The following DTNA variants were observed in gnomAD, a reference collection of about 807,000 sequenced individuals.
DTNA encodes dystrophin-related protein 3.
In DTNA, 43 loss-of-function variants were observed where a neutral mutation model predicts 100.7. That is an observed-to-expected ratio of 0.43 (90% CI 0.33 to 0.55). The LOEUF (loss-of-function observed/expected upper bound fraction) is 0.55, where lower values mean the gene tolerates loss of function less well. Ranked by LOEUF, DTNA falls within the 20% of genes least tolerant of loss-of-function variation. DTNA has a pLI of 0.04. For synonymous variants in DTNA, 349 were observed against 347.9 expected, an observed-to-expected ratio of 1.00 and a Z score of -0.04; for missense variants, 798 against 953.9, an observed-to-expected ratio of 0.84 and a Z score of 2.15.
At chr18:34,591,918 C>T (rs2049772930) in intron 1 of DTNA, among the ~76,000 whole-genome samples, 1 of 152,194 alleles carries the variant, frequency 6.6e-6, no homozygotes, top group Non-Finnish European at 1.5e-5. Flanking sequence ...AGTTTTCCCT[C>T]ATGGTTTCTT....
chr18:34,767,347 A>G (rs2093537873), intron 3 of DTNA, among the ~76,000 whole-genome samples: 1 of 152,140 alleles, frequency 6.6e-6, no homozygotes, highest in African/African-American at 2.4e-5. Context: ...GTGAGGATGC[A>G]AAGTACGCAT....
At chr18:34,534,132 G>T (rs2043439918) in intron 1 of DTNA, among the ~76,000 whole-genome samples, 1 of 151,824 alleles carries the variant, frequency 6.6e-6, no homozygotes, top group Non-Finnish European at 1.5e-5. Flanking sequence ...AGATAACTGA[G>T]GTCAGGAGTT....
At position 34,844,298 on chromosome 18, in the gene DTNA, CTT is replaced by C. The variant is rs777946588; in HGVS notation, c.1347-3992_1347-3991del. On this transcript the variant is annotated intron_variant, in intron 13 of 22. Transcript: ENST00000444659. ...AGATTGCCATTTCATGATTTCCTGTCTTTTTTTGTTGTTATTCCAAACCACTC... is the reference window on the plus strand; with the variant it reads ...AGATTGCCATTTCATGATTTCCTGTCTTTTTGTTGTTATTCCAAACCACTC... Among the ~76,000 whole-genome samples, 22 of 152,116 alleles carry C rather than the reference CTT, an allele frequency of 1.4e-4. No homozygotes were observed. In the East Asian group the frequency reaches 1.9e-3, roughly 13 times the overall value.
rs199596768 is a variant in DTNA, at chr18:34,875,381, A to G, written c.1886A>G (p.Gln629Arg). 8 of 1,614,190 alleles carry G rather than the reference A, an allele frequency of 5.0e-6. No individual in the cohort carries two copies. In the African/African-American group the frequency reaches 6.7e-5, roughly 13 times the overall value. ...CTCACAGGAGTAGGGGGAGATGTACAAGAGGCATTTGCACAAAGTAAGTGG... is the reference window on the plus strand; with the variant it reads ...CTCACAGGAGTAGGGGGAGATGTACGAGAGGCATTTGCACAAAGTAAGTGG... ...DSLTGVGGDV[Q>R]EAFAQSSRRN... The change falls in exon 18 of 23, where the codon CAA becomes CGA. Residue 629 changes from glutamine (Q) to arginine (R), a missense_variant. Coordinates refer to ENST00000444659, the MANE Select transcript of DTNA (RefSeq NM_001386795.1).
chr18:34,843,552 C>A (rs1264124408), intron 13 of DTNA, among the ~76,000 whole-genome samples: 2 of 152,132 alleles, frequency 1.3e-5, no homozygotes, highest in African/African-American at 4.8e-5. Flanking sequence ...GGACACCTTC[C>A]TGCTGTGTCC....
At chr18:34,881,113 T>C (rs2096867448) in intron 20 of DTNA, among the ~76,000 whole-genome samples, 1 of 152,214 alleles carries the variant, frequency 6.6e-6, no homozygotes, top group South Asian at 2.1e-4. Flanking sequence ...CCATTTAGCC[T>C]GGCCCCAAAC....
At chr18:34,670,109 G>C (rs994289807) in intron 1 of DTNA, among the ~76,000 whole-genome samples, 2 of 152,032 alleles carry the variant, frequency 1.3e-5, no homozygotes, top group African/African-American at 2.4e-5. Flanking sequence ...CATATTTCTT[G>C]GAGGCTTTGT....
intron 3 of DTNA, among the ~76,000 whole-genome samples, chr18:34,779,741 C>T (rs2094231484): frequency 6.6e-6 from 1 of 152,144 alleles, no homozygotes; most frequent in Non-Finnish European, 1.5e-5. Flanking sequence ...AATGTTGGTT[C>T]TTGGCACTAT....
chr18:34,817,310 T>C (rs1208479499), intron 7 of DTNA, among the ~76,000 whole-genome samples: 1 of 152,232 alleles, frequency 6.6e-6, no homozygotes, highest in Non-Finnish European at 1.5e-5. Context: ...TTTTCCTGAC[T>C]GGTTAGGCCG....
chr18:34,818,934 C>T (rs1267053833), intron 8 of DTNA, among the ~76,000 whole-genome samples: 2 of 152,154 alleles, frequency 1.3e-5, no homozygotes, highest in Non-Finnish European at 2.9e-5. Context: ...GATGTATTCT[C>T]AGGAGCATGT....
chr18:34,796,712 G>A (rs898868452), intron 4 of DTNA, among the ~76,000 whole-genome samples: 1 of 152,200 alleles, frequency 6.6e-6, no homozygotes, highest in Non-Finnish European at 1.5e-5. Flanking sequence ...AGGCAGTATA[G>A]TGATTTAAAC....
chr18:34,860,220 G>GTT (rs55673388), intron 16 of DTNA, among the ~76,000 whole-genome samples: 1,301 of 79,910 alleles, frequency 0.016, 38 homozygotes, highest in Non-Finnish European at 0.018. Context: ...CTAATTTTTT[G>GTT]TTTTTTTTTT....
chr18:34,512,119 C>T (rs1267833573), intron 1 of DTNA, among the ~76,000 whole-genome samples: 1 of 151,898 alleles, frequency 6.6e-6, no homozygotes, highest in Non-Finnish European at 1.5e-5. Context: ...CTTTTAATCC[C>T]AGAAGTCCCA....
At chr18:34,678,139 A>G (rs1240655334) in intron 1 of DTNA, among the ~76,000 whole-genome samples, 2 of 152,132 alleles carry the variant, frequency 1.3e-5, no homozygotes, top group African/African-American at 2.4e-5. Flanking sequence ...ATTATCTCCT[A>G]TTGGGCCCCT....
chr18:34,571,602 T>C (rs1416347095), intron 1 of DTNA, among the ~76,000 whole-genome samples: 9 of 151,808 alleles, frequency 5.9e-5, no homozygotes. Flanking sequence ...AAAAAGAAAA[T>C]CTTGAATAGT....
chr18:34,817,192 C>T lies in DTNA; in HGVS notation c.710-972C>T, dbSNP rs922810883. On this transcript the variant is annotated intron_variant, in intron 7 of 22. Coordinates refer to ENST00000444659, the MANE Select transcript of DTNA (RefSeq NM_001386795.1). ...TCCCACTCTAGTCTTTCTCAAGAGCCGGGAAGAAAGGTTATGACACTTGTT... is the reference window on the plus strand; with the variant it reads ...TCCCACTCTAGTCTTTCTCAAGAGCTGGGAAGAAAGGTTATGACACTTGTT... Among the ~76,000 whole-genome samples the T allele has an allele frequency of 6.6e-5, 10 of 152,244 alleles. No individual in the cohort carries two copies. The South Asian group carries it at 8.3e-4, about 13-fold the overall frequency.
chr18:34,533,391 A>G (rs540874736), intron 1 of DTNA, among the ~76,000 whole-genome samples: 23 of 151,276 alleles, frequency 1.5e-4, no homozygotes, highest in South Asian at 8.3e-4. Flanking sequence ...AAAAAAAAGT[A>G]CAGAGTGGGA....
chr18:34,858,512 G>C, intron 16 of DTNA, 114 bp downstream of exon 16: 1 of 1,034,174 alleles, frequency 9.7e-7, no homozygotes. Flanking sequence ...GCTGACATTT[G>C]TTTTTTTCAT....
intron 1 of DTNA, among the ~76,000 whole-genome samples, chr18:34,539,733 T>C (rs1291104855): frequency 1.3e-5 from 2 of 152,018 alleles, no homozygotes; most frequent in East Asian, 1.9e-4. Flanking sequence ...TTTAAAGATA[T>C]AAACCTTGGA....
Sources: allele counts gnomAD v4.1 joint callset (sites outside exome capture counted in the v4.1 genomes callset), GRCh38; gene constraint gnomAD v4.1.1; transcripts MANE v1.5; gene names NCBI Gene and HGNC (gene_info 2026-07-23, HGNC 2026-07-21).